The following XRCC5 variants were observed in gnomAD, a reference collection of about 807,000 sequenced individuals.
XRCC5 encodes the protein X-ray repair cross complementing 5.
In XRCC5, 12 loss-of-function variants were observed where a neutral mutation model predicts 95.7. That is an observed-to-expected ratio of 0.13 (90% confidence interval 0.08 to 0.20). XRCC5 has a LOEUF of 0.20. XRCC5 is among the 10% of genes least tolerant of loss of function. XRCC5 has a pLI of 1.00. For missense variants in XRCC5, 595 were observed against 873.9 expected (o/e 0.68, Z 4.02); for synonymous variants, 281 against 290.3 (o/e 0.97, Z 0.33).
intron 16 of XRCC5, among the ~76,000 whole-genome samples, chr2:216,178,829 T>C (rs1689327041): frequency 6.6e-6 from 1 of 152,156 alleles, no homozygotes; most frequent in Non-Finnish European, 1.5e-5. Flanking sequence ...ACACAGCTTA[T>C]GGGTTTAAAC....
chr2:216,127,715 T>A lies in XRCC5; in HGVS notation c.937+41T>A, dbSNP rs767933927. ...TTTTCACTGTTGCCTAAAAGACATT[T>A]TCTTCAACATGATGTGATGCAGGCT... On this transcript the variant is annotated intron_variant, in intron 8 of 20. Coordinates refer to ENST00000392132, the MANE Select transcript of XRCC5 (RefSeq NM_021141.4). The A allele has an allele frequency of 5.2e-6, 8 of 1,548,340 alleles. No individual in the cohort carries two copies. In the East Asian group the frequency reaches 1.6e-4, roughly 31 times the overall value.
chr2:216,116,647 A>AT lies in XRCC5; in HGVS notation c.136-5dup, dbSNP rs769544499. On this transcript the variant is annotated splice_polypyrimidine_tract_variant and intron_variant, in intron 2 of 20. Transcript: ENST00000392132. The stretch of plus-strand genomic sequence containing the variant: ...CTAATATGGTTTTCAGCCATCTGAC[A>AT]TTTTTTTCTAGGTGTTTGCTGAGAA... 3 of 1,613,732 alleles carry AT rather than the reference A, an allele frequency of 1.9e-6. No homozygotes were observed. Among genetic ancestry groups the AT allele is most frequent in the East Asian group, 4.5e-5 (2 of 44,892 alleles).
At chr2:216,116,939 G>A in intron 3 of XRCC5, 97 bp downstream of exon 3, 1 of 1,331,694 alleles carries the variant, frequency 7.5e-7, no homozygotes. Flanking sequence ...TCAGCTATGA[G>A]TATATGGGTA....
chr2:216,146,756 T>C (rs1273252324), intron 13 of XRCC5, among the ~76,000 whole-genome samples: 1 of 152,196 alleles, frequency 6.6e-6, no homozygotes, highest in African/African-American at 2.4e-5. Context: ...TGTGTAGAAC[T>C]TCACTCACAT....
intron 16 of XRCC5, among the ~76,000 whole-genome samples, chr2:216,163,375 G>C (rs943798992): frequency 6.6e-6 from 1 of 152,060 alleles, no homozygotes; most frequent in Non-Finnish European, 1.5e-5. Context: ...GAGTGCAGTG[G>C]TGAGATCTCA....
chr2:216,109,573 A>C, intron 1 of XRCC5, 116 bp downstream of exon 1: 1 of 1,465,020 alleles, frequency 6.8e-7, no homozygotes, highest in Non-Finnish European at 9.3e-7. Context: ...AGAGAAGATC[A>C]TGGTGGTGGG....
chr2:216,168,979 C>T (rs554969974), intron 16 of XRCC5, among the ~76,000 whole-genome samples: 1 of 152,348 alleles, frequency 6.6e-6, no homozygotes, highest in African/African-American at 2.4e-5. Flanking sequence ...TCTTTTCCTA[C>T]ACTTTTTAAA....
chr2:216,117,837 A>C (rs766155523), intron 4 of XRCC5, 43 bp downstream of exon 4: 41 of 1,595,982 alleles, frequency 2.6e-5, no homozygotes, highest in Non-Finnish European at 3.3e-5. Context: ...ATCTTTTTGC[A>C]AAAATTGTAT....
chr2:216,154,465 C>T (rs1305037665), intron 14 of XRCC5, among the ~76,000 whole-genome samples: 2 of 152,204 alleles, frequency 1.3e-5, no homozygotes, highest in Non-Finnish European at 2.9e-5. Context: ...TCGCCCACTG[C>T]CACTGCTTTT....
At chr2:216,130,308 T>A (rs1245009113) in intron 8 of XRCC5, among the ~76,000 whole-genome samples, 13 of 146,874 alleles carry the variant, frequency 8.9e-5, no homozygotes, top group African/African-American at 3.3e-4. Context: ...AAAAGAAAAA[T>A]ACAGTTAAAT....
intron 7 of XRCC5, among the ~76,000 whole-genome samples, chr2:216,126,862 G>A (rs1696906868): frequency 6.6e-6 from 1 of 150,818 alleles, no homozygotes; most frequent in Non-Finnish European, 1.5e-5. Flanking sequence ...ATTTTGGCCT[G>A]CTTTTCAAAT....
chr2:216,205,266 ACAAGTTGGATGCGGCCATT>A lies in XRCC5; in HGVS notation c.*69_*87del, dbSNP rs2106057260. ...CTGTGATGCTGGGAGTTCTAACAAA[ACAAGTTGGATGCGGCCATT>A]CAAGGGGAGCCAAAATCTCAAGAAA... On this transcript the variant is annotated 3_prime_UTR_variant, in exon 21 of 21. Transcript: ENST00000392132. 2 of 1,610,144 alleles carry A rather than the reference ACAAGTTGGATGCGGCCATT, an allele frequency of 1.2e-6. No homozygotes were observed. The highest frequency in any genetic ancestry group is 2.2e-5 in the South Asian group (2 of 90,938).
rs762166390 is a variant in XRCC5 at position 216,117,724 on chromosome 2, T to TC, written c.320-19dup. 2.4e-5 allele frequency: 39 copies of TC among 1,613,374 alleles called. 1 individual carries two copies. Among genetic ancestry groups the TC allele is most frequent in the Non-Finnish European group, 3.4e-6 (4 of 1,179,436 alleles). On this transcript the variant is annotated intron_variant, in intron 3 of 20. Coordinates refer to ENST00000392132, the MANE Select transcript of XRCC5 (RefSeq NM_021141.4). ...CACATGAAGAGACTGTTTGGTGATA[T>TC]CCCTATCCTTAACTAGCTGAGTCCT...
intron 17 of XRCC5, among the ~76,000 whole-genome samples, chr2:216,192,089 C>G (rs1186647873): frequency 1.3e-5 from 2 of 152,130 alleles, no homozygotes; most frequent in African/African-American, 4.8e-5. Flanking sequence ...ACCTCCGCCT[C>G]CCGGGTTCAA....
chr2:216,157,796 T>C (rs1332845248), intron 14 of XRCC5, among the ~76,000 whole-genome samples: 4 of 152,228 alleles, frequency 2.6e-5, no homozygotes, highest in Non-Finnish European at 5.9e-5. Flanking sequence ...CATGGTCTCA[T>C]CATCCAGATG....
chr2:216,194,679 C>A (rs537624018), intron 18 of XRCC5, among the ~76,000 whole-genome samples: 1 of 152,136 alleles, frequency 6.6e-6, no homozygotes, highest in Admixed American at 6.6e-5. Context: ...TTTTAAAAAT[C>A]TCCAGCTCAG....
At chr2:216,109,804 ATTAC>A (rs1460389727) in intron 1 of XRCC5, among the ~76,000 whole-genome samples, 2 of 149,370 alleles carry the variant, frequency 1.3e-5, no homozygotes, top group Non-Finnish European at 2.9e-5. Flanking sequence ...CACTTCCTCT[ATTAC>A]TTCCGAGCCT....
chr2:216,163,331 G>A (rs1044343670), intron 16 of XRCC5, among the ~76,000 whole-genome samples: 1 of 149,850 alleles, frequency 6.7e-6, no homozygotes, highest in Admixed American at 6.6e-5. Context: ...TCTTTTTTTT[G>A]GGGGGACAGA....
intron 16 of XRCC5, among the ~76,000 whole-genome samples, chr2:216,176,450 T>A (rs541128258): frequency 9.8e-5 from 15 of 152,368 alleles, no homozygotes; most frequent in Non-Finnish European, 1.6e-4. Flanking sequence ...TGGTCAGTTT[T>A]AAAATTTCTT....
Sources: allele counts gnomAD v4.1 joint callset (sites outside exome capture counted in the v4.1 genomes callset), GRCh38; gene constraint gnomAD v4.1.1; transcripts MANE v1.5; gene names NCBI Gene and HGNC (gene_info 2026-07-23, HGNC 2026-07-21).